Variants in MTAP observed in about 807,000 individuals in gnomAD.
MTAP encodes methylthioadenosine phosphorylase.
A neutral mutation model predicts 33.6 loss-of-function variants in MTAP; 33 were observed. That is an observed-to-expected ratio of 0.98 (90% CI 0.74 to 1.31). The LOEUF (loss-of-function observed/expected upper bound fraction) is 1.31, where lower values mean the gene tolerates loss of function less well. Ranked by LOEUF, MTAP falls within the 40% of genes most tolerant of loss-of-function variation. MTAP has a pLI of 0.00. For synonymous variants in MTAP, 148 were observed against 125.7 expected (o/e 1.18, Z -1.19); for missense variants, 367 against 360.0 (o/e 1.02, Z -0.16).
intron 5 of MTAP, among the ~76,000 whole-genome samples, chr9:21,847,428 C>G (rs1378163747): frequency 1.3e-5 from 2 of 151,980 alleles, no homozygotes; most frequent in African/African-American, 4.8e-5. Context: ...ATGATTAGAC[C>G]CAAAGATGCT....
chr9:21,870,769 AT>A (rs1332200300), downstream of MTAP, among the ~76,000 whole-genome samples: 3 of 146,736 alleles, frequency 2.0e-5, no homozygotes, highest in Non-Finnish European at 3.0e-5. Flanking sequence ...CAGAGGTTAA[AT>A]TTTTTTTTCT....
At chr9:21,818,503 T>C (rs1419545186) in intron 4 of MTAP, among the ~76,000 whole-genome samples, 4 of 151,830 alleles carry the variant, frequency 2.6e-5, no homozygotes, top group African/African-American at 7.3e-5. Flanking sequence ...AATTTTTGTA[T>C]TTTTAGTAGA....
chr9:21,905,408 T>C (rs908417969), intron 1 of MTAP, among the ~76,000 whole-genome samples: 12 of 150,906 alleles, frequency 8.0e-5, no homozygotes, highest in African/African-American at 2.9e-4. Flanking sequence ...TAGACTGCAG[T>C]TTAAACATAA....
chr9:21,922,618 C>T lies in MTAP; in HGVS notation c.148-8390C>T, dbSNP rs1399151767. On this transcript the variant is annotated intron_variant, in intron 1 of 1. Coordinates refer to the MTAP transcript ENST00000577563. This position sits in a 1 kb window ranked among gnomAD's most constrained non-coding sequence, Gnocchi z 4.8. ...ACTTTGATGCCACATGGCTTGGATA[C>T]GTTCCCCAGTGGTAAGAAATCTCTA... is the stretch of plus-strand genomic sequence containing the variant. Among the ~76,000 whole-genome samples the T allele has an allele frequency of 6.6e-6, 1 of 152,144 alleles. No individual in the cohort carries two copies. Among genetic ancestry groups the T allele is most frequent in the Non-Finnish European group, 1.5e-5 (1 of 68,022 alleles).
chr9:21,857,325 G>T (rs986688295), intron 6 of MTAP, among the ~76,000 whole-genome samples: 1 of 152,198 alleles, frequency 6.6e-6, no homozygotes, highest in Non-Finnish European at 1.5e-5. Flanking sequence ...TCATTTACAT[G>T]TGCCTGGCAG....
chr9:21,925,357 A>G (rs1239302523), intron 1 of MTAP, among the ~76,000 whole-genome samples: 1 of 152,126 alleles, frequency 6.6e-6, no homozygotes, highest in East Asian at 1.9e-4. Flanking sequence ...TTTGGAGGAA[A>G]CTCTAAAAAC....
At chr9:21,891,408 C>G (rs1818198744) in intron 1 of MTAP, among the ~76,000 whole-genome samples, 1 of 152,030 alleles carries the variant, frequency 6.6e-6, no homozygotes, top group Admixed American at 6.6e-5. Flanking sequence ...TAAAATGATA[C>G]AAGAGCTAAA....
rs556119629 is a variant in MTAP, at chr9:21,863,239, G to A, written c.*1225G>A. On this transcript the variant is annotated 3_prime_UTR_variant, in exon 8 of 8. Transcript: ENST00000644715. ...TTTTATGAGTTAAATTATTTTATAC[G>A]AGTTGGTAATTTTTGCTTTTTAATA... 158 of 971,906 alleles carry A rather than the reference G, an allele frequency of 1.6e-4. 2 individuals are homozygous for A. In the South Asian group the frequency reaches 3.4e-3, roughly 21 times the overall value. The allele number at this position is 971,906 out of a possible 1,614,324, so 60.2% of individuals were successfully genotyped here.
chr9:21,816,947 G>A (rs1446336776), intron 3 of MTAP, among the ~76,000 whole-genome samples, 175 bp downstream of exon 3: 1 of 152,178 alleles, frequency 6.6e-6, no homozygotes, highest in Non-Finnish European at 1.5e-5. Flanking sequence ...TGACTTAGGA[G>A]ATCAAAGATC....
At chr9:21,842,964 C>T (rs112245356) in intron 5 of MTAP, among the ~76,000 whole-genome samples, 78 of 152,234 alleles carry the variant, frequency 5.1e-4, no homozygotes, top group African/African-American at 1.7e-3. Context: ...AGAAAAGATA[C>T]GCAATGGCAG....
chr9:21,898,543 TCAAA>T (rs1458592089), intron 1 of MTAP, among the ~76,000 whole-genome samples: 1 of 151,760 alleles, frequency 6.6e-6, no homozygotes, highest in Non-Finnish European at 1.5e-5. Flanking sequence ...CAAGAAAAAA[TCAAA>T]CAATGCCATC....
chr9:21,863,392 G>T lies in MTAP; in HGVS notation c.*1378G>T, dbSNP rs1825791652. On this transcript the variant is annotated 3_prime_UTR_variant, in exon 8 of 8. Transcript: ENST00000644715. ...GGAGGCCGAGACGGGTGGATCACAA[G>T]GTCAGGAGATCGAGACCATCCTGGC... 9 of 823,586 alleles carry T rather than the reference G, an allele frequency of 1.1e-5. No individual in the cohort carries two copies. Among genetic ancestry groups the T allele is most frequent in the Non-Finnish European group, 1.2e-5 (8 of 682,766 alleles). The allele number at this position is 823,586 out of a possible 1,614,324, so 51.0% of individuals were successfully genotyped here.
intron 1 of MTAP, among the ~76,000 whole-genome samples, chr9:21,883,235 A>G (rs1818046264): frequency 6.6e-6 from 1 of 152,150 alleles, no homozygotes; most frequent in Non-Finnish European, 1.5e-5. Flanking sequence ...TAAATAGTTC[A>G]ACAAAAGAGA....
At chr9:21,843,193 G>A (rs1017394353) in intron 5 of MTAP, among the ~76,000 whole-genome samples, 1 of 152,120 alleles carries the variant, frequency 6.6e-6, no homozygotes, top group Non-Finnish European at 1.5e-5. Context: ...GATAAAAGGA[G>A]TAGTCCAACA....
intron 1 of MTAP, among the ~76,000 whole-genome samples, chr9:21,912,279 T>G (rs1730372854): frequency 6.6e-6 from 1 of 152,210 alleles, no homozygotes; most frequent in Non-Finnish European, 1.5e-5. Flanking sequence ...CTAACTCATT[T>G]TATGAGGCCA....
At chr9:21,867,173 T>A (rs1825865660), downstream of MTAP, 1 of 152,202 alleles carries the variant, frequency 6.6e-6, no homozygotes, top group Non-Finnish European at 1.5e-5. Flanking sequence ...TTACCTTTTG[T>A]TTCTTCTTGC....
At chr9:21,899,206 G>A (rs1167820926) in intron 1 of MTAP, among the ~76,000 whole-genome samples, 1 of 139,824 alleles carries the variant, frequency 7.2e-6, no homozygotes, top group Non-Finnish European at 1.5e-5. Flanking sequence ...ACACAGGAAG[G>A]GGAACATCAC....
chr9:21,880,065 C>G (rs970495435), intron 1 of MTAP, among the ~76,000 whole-genome samples: 23 of 151,962 alleles, frequency 1.5e-4, no homozygotes, highest in African/African-American at 5.6e-4. Flanking sequence ...CCAACAAATT[C>G]CATTTGTTGG....
At chr9:21,880,232 C>G (rs1817983931) in intron 1 of MTAP, among the ~76,000 whole-genome samples, 1 of 152,130 alleles carries the variant, frequency 6.6e-6, no homozygotes, top group African/African-American at 2.4e-5. Flanking sequence ...CTTGTTCTGT[C>G]TCACCATGTG....
Sources: gnomAD v4.1 joint callset for allele counts (sites outside exome capture counted in the v4.1 genomes callset) on GRCh38, gnomAD v4.1.1 for gene constraint, Gnocchi (gnomAD v3.1) non-coding constraint, MANE v1.5 for transcripts, NCBI Gene and HGNC (gene_info 2026-07-23, HGNC 2026-07-21) for gene names.